ITIH2: variants seen among roughly 807,000 people sequenced by gnomAD.
The protein encoded by ITIH2 is inter-alpha-trypsin inhibitor heavy chain 2, also known as inter-alpha-trypsin inhibitor heavy chain H2.
In ITIH2, 103 loss-of-function variants were observed where a neutral mutation model predicts 104.4. That is an observed-to-expected ratio of 0.99 (90% CI 0.84 to 1.16). The LOEUF is 1.16. Among genes scored for constraint, ITIH2 ranks in the 50% most tolerant of loss-of-function variants. The pLI is 0.00. For synonymous variants in ITIH2, 436 were observed against 435.4 expected, an observed-to-expected ratio of 1.00 and a Z score of -0.02; for missense variants, 1,108 against 1,162.4, an observed-to-expected ratio of 0.95 and a Z score of 0.68.
chr10:7,744,378 A>G, intron 18 of ITIH2, 98 bp downstream of exon 18: 1 of 1,055,168 alleles, frequency 9.5e-7, no homozygotes, highest in Non-Finnish European at 1.4e-6. Context: ...AAAAATCATC[A>G]TTTTAAATAT....
chr10:7,749,072 T>TG (rs1279941852), intron 20 of ITIH2, 115 bp from the exon 21 acceptor site: 4 of 997,094 alleles, frequency 4.0e-6, no homozygotes, highest in African/African-American at 1.6e-5. Context: ...CAGCGATAGG[T>TG]GGGGGGCGGC....
chr10:7,736,433 C>A (rs1172401293), intron 15 of ITIH2, among the ~76,000 whole-genome samples: 1 of 152,102 alleles, frequency 6.6e-6, no homozygotes, highest in Non-Finnish European at 1.5e-5. Context: ...ACTCCACTTG[C>A]CCAGCAGAAC....
intron 6 of ITIH2, among the ~76,000 whole-genome samples, chr10:7,718,659 T>C (rs1834873755): frequency 6.6e-6 from 1 of 152,140 alleles, no homozygotes; most frequent in East Asian, 1.9e-4. Flanking sequence ...TAGGTAGTTT[T>C]CCGATCCTTT....
chr10:7,738,178 T>A (rs1381930475), intron 15 of ITIH2, among the ~76,000 whole-genome samples: 1 of 89,994 alleles, frequency 1.1e-5, no homozygotes, highest in African/African-American at 4.0e-5. Flanking sequence ...ATATTCTATA[T>A]ATTATATATT....
At chr10:7,719,760 C>CAAAAAAAAAAAAAA (rs71385664) in intron 6 of ITIH2, among the ~76,000 whole-genome samples, 9 of 41,704 alleles carry the variant, frequency 2.2e-4, no homozygotes, top group South Asian at 8.4e-4. Flanking sequence ...GACCCTGTCT[C>CAAAAAAAAAAAAAA]AAAAAAAAAA....
chr10:7,743,910 T>G (rs1588462125), intron 17 of ITIH2, among the ~76,000 whole-genome samples, 172 bp from the exon 18 acceptor site: 5 of 152,054 alleles, frequency 3.3e-5, no homozygotes, highest in Admixed American at 2.6e-4. Flanking sequence ...AAATGTTATA[T>G]TAACATGTTA....
intron 16 of ITIH2, among the ~76,000 whole-genome samples, chr10:7,740,352 A>T (rs1835112652): frequency 6.6e-6 from 1 of 152,158 alleles, no homozygotes; most frequent in Non-Finnish European, 1.5e-5. Flanking sequence ...CCAGCTCCAT[A>T]GGGAGTCCCA....
intron 2 of ITIH2, among the ~76,000 whole-genome samples, chr10:7,705,719 AAG>A (rs1554764625): frequency 1.3e-5 from 2 of 151,372 alleles, no homozygotes; most frequent in African/African-American, 4.9e-5. Context: ...AAAAAAAAAA[AAG>A]AATACATGGC....
intron 7 of ITIH2, 53 bp downstream of exon 7, chr10:7,721,016 GTTCTGTTCTCC>G: frequency 9.1e-7 from 1 of 1,100,652 alleles, no homozygotes; most frequent in Non-Finnish European, 1.4e-6. Context: ...TGGATTGTGG[GTTCTGTTCTCC>G]TTCTGTGCTC....
intron 16 of ITIH2, among the ~76,000 whole-genome samples, chr10:7,740,515 G>A (rs1252958604): frequency 6.6e-6 from 1 of 152,178 alleles, no homozygotes; most frequent in African/African-American, 2.4e-5. Flanking sequence ...CTACCATGAC[G>A]CCCAGGGAGT....
rs765609128 is a variant in ITIH2, at chr10:7,738,602, T to A, written c.1958-19T>A. 1.9e-6 allele frequency: 3 copies of A among 1,612,214 alleles called. No homozygotes were observed. Among genetic ancestry groups the A allele is most frequent in the South Asian group, 1.1e-5 (1 of 91,058 alleles). On this transcript the variant is annotated intron_variant, in intron 15 of 20. Coordinates refer to ENST00000358415, the MANE Select transcript of ITIH2 (RefSeq NM_002216.3). ...AAACGTAAATCTAGAAACTAACAGA[T>A]GCAGGTTTGTCTACGCAGGGGCCCT... is the stretch of plus-strand genomic sequence containing the variant.
chr10:7,712,234 A>ATTTC (rs1311358027), intron 4 of ITIH2, among the ~76,000 whole-genome samples: 1 of 152,122 alleles, frequency 6.6e-6, no homozygotes, highest in Non-Finnish European at 1.5e-5. Flanking sequence ...ATGCCCAAGG[A>ATTTC]TTTCGTGTCT....
At chr10:7,734,808 C>T (rs1835037010) in intron 14 of ITIH2, 114 bp from the exon 15 acceptor site, 14 of 837,930 alleles carry the variant, frequency 1.7e-5, no homozygotes, top group Admixed American at 2.3e-5. Flanking sequence ...TTTGCGGCTC[C>T]GCCCCACCCC....
intron 16 of ITIH2, among the ~76,000 whole-genome samples, chr10:7,740,364 G>A (rs942838036): frequency 1.2e-4 from 19 of 152,106 alleles, no homozygotes; most frequent in African/African-American, 4.6e-4. Context: ...GGAGTCCCAC[G>A]AACCATGCAG....
chr10:7,741,996 G>A (rs1047158105), intron 16 of ITIH2, among the ~76,000 whole-genome samples: 8 of 152,132 alleles, frequency 5.3e-5, no homozygotes, highest in Admixed American at 6.6e-5. Context: ...TTGCCTGGGG[G>A]GCACTAATCA....
chr10:7,724,030 A>G (rs959445095), intron 9 of ITIH2, among the ~76,000 whole-genome samples: 7 of 152,228 alleles, frequency 4.6e-5, no homozygotes, highest in African/African-American at 1.7e-4. Context: ...TTCTAATTAT[A>G]TGGTAATTGC....
intron 9 of ITIH2, 55 bp from the exon 10 acceptor site, chr10:7,726,895 C>T (rs1834955428): frequency 7.1e-7 from 1 of 1,417,790 alleles, no homozygotes; most frequent in Non-Finnish European, 9.6e-7. Flanking sequence ...TTCCTAGTTC[C>T]TCTGAGGCTC....
chr10:7,744,804 G>A lies in ITIH2; in HGVS notation c.2422G>A (p.Val808Met). Reference sequence around the variant, plus strand: ...CTTTCACACCAGGGTGCAGATCTCAGTGAAGAAAGAAAAAGTGGTAACTAT... The same window carrying A: ...CTTTCACACCAGGGTGCAGATCTCAATGAAGAAAGAAAAAGTGGTAACTAT... ...QVTNQRVQIS[V>M]KKEKVVTITL... is the part of the protein sequence containing the mutation. Residue 808 changes from valine to methionine, a missense_variant, in exon 19 of 21, where the codon GTG (valine) becomes ATG (methionine). Val to Met is a conservative substitution (Grantham distance 21). Coordinates refer to ENST00000358415, the MANE Select transcript of ITIH2 (RefSeq NM_002216.3). 1 of 1,613,902 alleles carries A rather than the reference G, an allele frequency of 6.2e-7. No individual in the cohort carries two copies. The highest frequency in any genetic ancestry group is 8.5e-7 in the Non-Finnish European group (1 of 1,179,864).
At chr10:7,709,228 G>A in intron 4 of ITIH2, 37 bp downstream of exon 4, 1 of 1,583,236 alleles carries the variant, frequency 6.3e-7, no homozygotes, top group Non-Finnish European at 8.7e-7. Context: ...AATTGTAGGT[G>A]CTCTACTCAC....
Sources: allele counts gnomAD v4.1 joint callset (sites outside exome capture counted in the v4.1 genomes callset), GRCh38; gene constraint gnomAD v4.1.1; transcripts MANE v1.5; gene names NCBI Gene and HGNC (gene_info 2026-07-23, HGNC 2026-07-21).